ZBTB10: variants seen among roughly 807,000 people sequenced by gnomAD.
ZBTB10 encodes zinc finger and BTB domain-containing protein 10.
In ZBTB10, 32 loss-of-function variants were observed where a neutral mutation model predicts 76.4. The observed-to-expected ratio is 0.42, with a 90% CI of 0.32 to 0.56. The LOEUF is 0.56. ZBTB10 is among the 20% of genes least tolerant of loss of function. The pLI is 0.14. For missense variants in ZBTB10, 1,057 were observed against 1,098.5 expected, an observed-to-expected ratio of 0.96 and a Z score of 0.53; for synonymous variants, 523 against 432.9, an observed-to-expected ratio of 1.21 and a Z score of -2.58.
At chr8:80,510,364 G>C (rs1816157358) in intron 2 of ZBTB10, among the ~76,000 whole-genome samples, 1 of 152,194 alleles carries the variant, frequency 6.6e-6, no homozygotes, top group African/African-American at 2.4e-5. Flanking sequence ...ATGTAATACA[G>C]TTACTAAATA....
rs941731296 is a variant in ZBTB10 at position 80,486,484 on chromosome 8, G to A, written c.-327G>A. ...TCCGCTGCTCAACTTCGAAGGCCTC[G>A]CTCGCTGCAGGCTCGCTCCTCACCT... On this transcript the variant is annotated 5_prime_UTR_variant, in exon 1 of 6. Transcript: ENST00000455036. 2 of 985,194 alleles carry A rather than the reference G, an allele frequency of 2.0e-6. No individual in the cohort carries two copies. Among genetic ancestry groups the A allele is most frequent in the Non-Finnish European group, 2.4e-6 (2 of 829,962 alleles). The allele number at this position is 985,194 out of a possible 1,614,324, so 61.0% of individuals were successfully genotyped here. A position where few individuals can be genotyped will look rare whatever the true frequency, so the allele number is the denominator to read the frequency against.
intron 1 of ZBTB10, among the ~76,000 whole-genome samples, chr8:80,493,207 G>GCGCGCGCGCACACA (rs375071529): frequency 1.0e-3 from 130 of 125,280 alleles, no homozygotes; most frequent in Non-Finnish European, 1.7e-3. Context: ...GCGCGCGCGC[G>GCGCGCGCGCACACA]CACACACACA....
At position 80,499,766 on chromosome 8, in the gene ZBTB10, A is replaced by C. The variant is rs1243332294; in HGVS notation, c.1245A>C (p.Gln415His). The C allele has an allele frequency of 1.2e-6, 2 of 1,613,886 alleles. No individual in the cohort carries two copies. Among genetic ancestry groups the C allele is most frequent in the African/African-American group, 2.7e-5 (2 of 74,942 alleles). ...NTTHLDIAAV[Q>H]GFSVILDFLY... ...CCCACTTAGATATTGCTGCAGTTCA[A>C]GGTTTTTCAGTCATCTTGGACTTCT... The change falls in exon 2 of 6, where the codon CAA becomes CAC. Residue 415 changes from glutamine (Q) to histidine (H), a missense_variant. Transcript: ENST00000455036.
intron 1 of ZBTB10, among the ~76,000 whole-genome samples, chr8:80,490,967 G>A (rs1815615184): frequency 6.6e-6 from 1 of 152,218 alleles, no homozygotes; most frequent in Admixed American, 6.5e-5. Flanking sequence ...ACTTTGCGGG[G>A]CCGAGGTGGG....
intron 2 of ZBTB10, among the ~76,000 whole-genome samples, chr8:80,511,277 T>G (rs576596819): frequency 3.9e-5 from 6 of 152,316 alleles, no homozygotes; most frequent in African/African-American, 1.4e-4. Flanking sequence ...TATAATACTT[T>G]AGGGCTAGGG....
chr8:80,492,766 G>A (rs140944533), intron 1 of ZBTB10, among the ~76,000 whole-genome samples: 24 of 152,112 alleles, frequency 1.6e-4, no homozygotes, highest in African/African-American at 5.3e-4. Flanking sequence ...CGTGAGTCAC[G>A]CACCCGGCCT....
chr8:80,502,632 T>C (rs955619594), intron 2 of ZBTB10, among the ~76,000 whole-genome samples: 4 of 152,118 alleles, frequency 2.6e-5, no homozygotes, highest in Admixed American at 1.3e-4. Flanking sequence ...ACCAGTGTTA[T>C]TTGGTGGAAA....
At chr8:80,489,590 G>T (rs1815571353) in intron 1 of ZBTB10, among the ~76,000 whole-genome samples, 1 of 152,100 alleles carries the variant, frequency 6.6e-6, no homozygotes, top group African/African-American at 2.4e-5. Flanking sequence ...CAGAAGAAGG[G>T]GCATTAATTG....
At chr8:80,508,210 C>T (rs1816107676) in intron 2 of ZBTB10, among the ~76,000 whole-genome samples, 1 of 152,160 alleles carries the variant, frequency 6.6e-6, no homozygotes, top group Non-Finnish European at 1.5e-5. Flanking sequence ...TGACTTCTTC[C>T]TGCTGAAGGT....
intron 1 of ZBTB10, among the ~76,000 whole-genome samples, chr8:80,491,104 C>G (rs576981506): frequency 1.1e-3 from 169 of 152,264 alleles, no homozygotes; most frequent in African/African-American, 3.9e-3. Context: ...TGTCCTAGGC[C>G]TTTCATTCAG....
In ZBTB10 at chr8:80,525,889, T is replaced by G. The variant is rs991480641; in HGVS notation, c.*6361T>G. 15 of 152,168 alleles carry G rather than the reference T, an allele frequency of 9.9e-5. No individual in the cohort carries two copies. The highest frequency in any genetic ancestry group is 7.9e-4 in the Admixed American group (12 of 15,262). 9.4% of individuals were successfully genotyped at this position (152,168 alleles called of 1,614,324 possible). A position where few individuals can be genotyped will look rare whatever the true frequency, so the allele number is the denominator to read the frequency against. On this transcript the variant is annotated 3_prime_UTR_variant, in exon 6 of 6. Coordinates refer to ENST00000455036, the MANE Select transcript of ZBTB10 (RefSeq NM_001105539.3). ...ATGTAGCTATCAAGCCAGTTTCGTTTAGTTATTTTGTGTTGCCAAGCATAT... is the reference window on the plus strand; with the variant it reads ...ATGTAGCTATCAAGCCAGTTTCGTTGAGTTATTTTGTGTTGCCAAGCATAT...
rs894273143 is a variant in ZBTB10, at chr8:80,519,384, G to C, written c.2472G>C (p.Gln824His). ...GGCAAGAAGGTGTAGATCAGGGACA[G>C]GATACAGAATTCCCTCGGGATGAAG... Reference protein sequence around the residue: ...PGGQEGVDQGQDTEFPRDEEY... With the variant: ...PGGQEGVDQGHDTEFPRDEEY... The change falls in exon 6 of 6, where the codon CAG becomes CAC. Residue 824 changes from glutamine (Q) to histidine (H), a missense_variant. Transcript: ENST00000455036. The C allele has an allele frequency of 3.8e-5, 60 of 1,597,412 alleles. No homozygotes were observed. Among genetic ancestry groups the C allele is most frequent in the Non-Finnish European group, 4.6e-5 (54 of 1,172,474 alleles).
At chr8:80,517,918 G>T (rs1055751465) in intron 3 of ZBTB10, among the ~76,000 whole-genome samples, 19 of 118,660 alleles carry the variant, frequency 1.6e-4, no homozygotes, top group African/African-American at 5.8e-4. Flanking sequence ...CCACTGTGTC[G>T]CCCTGGCTGG....
chr8:80,514,007 T>G lies in ZBTB10; in HGVS notation c.1959T>G (p.Ala653=). 6.2e-7 allele frequency: 1 copy of G among 1,612,924 alleles called. No homozygotes were observed. The highest frequency in any genetic ancestry group is 8.5e-7 in the Non-Finnish European group (1 of 1,179,300). The part of the protein sequence containing the change: ...EAGTSQDGGD[A]GTSHDFKYGL... ...GCACTAGTCAAGATGGAGGTGATGC[T>G]GGTAGGTACAGTAAGATTTTAGCAA... Residue 653 remains alanine, a splice_region_variant and synonymous_variant, in exon 3 of 6, where the codon GCT becomes GCG. Coordinates refer to ENST00000455036, the MANE Select transcript of ZBTB10 (RefSeq NM_001105539.3).
chr8:80,490,290 C>T (rs546133265), intron 1 of ZBTB10, among the ~76,000 whole-genome samples: 1 of 152,178 alleles, frequency 6.6e-6, no homozygotes, highest in African/African-American at 2.4e-5. Flanking sequence ...GACAGTGACT[C>T]TATTGCCCAG....
At chr8:80,489,632 ATTC>A (rs534668603) in intron 1 of ZBTB10, among the ~76,000 whole-genome samples, 218 of 152,190 alleles carry the variant, frequency 1.4e-3, no homozygotes, top group Non-Finnish European at 2.2e-3. Flanking sequence ...GCTTGAGTGT[ATTC>A]TTCTCCTCTG....
At chr8:80,491,960 A>G (rs1439574668) in intron 1 of ZBTB10, among the ~76,000 whole-genome samples, 3 of 152,224 alleles carry the variant, frequency 2.0e-5, no homozygotes, top group African/African-American at 7.2e-5. Context: ...CAGTTGGAAT[A>G]TATTGATGTC....
chr8:80,512,769 T>A (rs1816227608), intron 2 of ZBTB10, among the ~76,000 whole-genome samples: 1 of 152,126 alleles, frequency 6.6e-6, no homozygotes, highest in African/African-American at 2.4e-5. Context: ...TTACCCTATT[T>A]CTCACACTTC....
chr8:80,490,088 A>G (rs930914442), intron 1 of ZBTB10, among the ~76,000 whole-genome samples: 3 of 152,228 alleles, frequency 2.0e-5, no homozygotes, highest in South Asian at 2.1e-4. Flanking sequence ...AGGAGGCAGT[A>G]TAACACAACA....
Sources: gnomAD v4.1 joint callset for allele counts (sites outside exome capture counted in the v4.1 genomes callset) on GRCh38, gnomAD v4.1.1 for gene constraint, MANE v1.5 for transcripts, NCBI Gene and HGNC (gene_info 2026-07-23, HGNC 2026-07-21) for gene names.